Variants in ZNF469 observed in about 807,000 individuals in gnomAD.
ZNF469 encodes zinc finger protein 469.
ZNF469 carries 1 observed loss-of-function variant against 1.0 expected under a neutral mutation model. The observed-to-expected ratio is 1.00, with a 90% CI of 0.35 to 4.73. ZNF469 has a LOEUF of 4.73. Among genes scored for constraint, ZNF469 ranks in the 30% most tolerant of loss-of-function variants. The pLI is 0.16. For synonymous variants in ZNF469, 2,703 were observed against 2,363.4 expected, an observed-to-expected ratio of 1.14 and a Z score of -4.17; for missense variants, 6,100 against 5,356.3, an observed-to-expected ratio of 1.14 and a Z score of -4.33.
At chr16:88,334,058 CTG>C in the ZNF469 span, among the ~76,000 whole-genome samples, 1 of 148,316 alleles carries the variant, frequency 6.7e-6, no homozygotes, top group Non-Finnish European at 1.5e-5. Flanking sequence ...GTGTCTGTGT[CTG>C]TGTGTGTCTG....
At chr16:88,213,525 C>CA in the ZNF469 span, among the ~76,000 whole-genome samples, 1 of 152,150 alleles carries the variant, frequency 6.6e-6, no homozygotes, top group Non-Finnish European at 1.5e-5. Flanking sequence ...GTTAGCATAG[C>CA]AAAAAGTCTT....
the ZNF469 span, among the ~76,000 whole-genome samples, chr16:88,227,814 C>A: frequency 6.6e-6 from 1 of 152,254 alleles, no homozygotes; most frequent in African/African-American, 2.4e-5. Context: ...AGAGGGCTGG[C>A]ATCAAGGAGC....
chr16:88,110,365 G>A, the ZNF469 span, among the ~76,000 whole-genome samples: 2 of 152,266 alleles, frequency 1.3e-5, no homozygotes, highest in South Asian at 2.1e-4. Flanking sequence ...TCCCGCTCAC[G>A]CCGGACTGAA....
At chr16:88,119,235 G>A in the ZNF469 span, among the ~76,000 whole-genome samples, 1 of 152,122 alleles carries the variant, frequency 6.6e-6, no homozygotes, top group African/African-American at 2.4e-5. Flanking sequence ...GTTAGCTCTG[G>A]GCACCCTGGG....
At position 88,427,427 on chromosome 16, in the gene ZNF469, C is replaced by G; in HGVS notation, c.-44C>G. Reference sequence around the variant, plus strand: ...GCCGTCCAGCCCACTCCCCAGGGCCCCCCTCGGACAGCTGCGTCGTCCTAG... The same window carrying G: ...GCCGTCCAGCCCACTCCCCAGGGCCGCCCTCGGACAGCTGCGTCGTCCTAG... On this transcript the variant is annotated 5_prime_UTR_variant, in exon 3 of 3. Coordinates refer to ENST00000565624, the MANE Select transcript of ZNF469 (RefSeq NM_001367624.2). 2.1e-6 allele frequency: 3 copies of G among 1,444,006 alleles called. No individual in the cohort carries two copies. Among genetic ancestry groups the G allele is most frequent in the East Asian group, 5.0e-5 (2 of 39,780 alleles). 89.4% of individuals were successfully genotyped at this position (1,444,006 alleles called of 1,614,324 possible).
At chr16:88,371,700 C>T in the ZNF469 span, among the ~76,000 whole-genome samples, 2 of 152,218 alleles carry the variant, frequency 1.3e-5, no homozygotes, top group African/African-American at 4.8e-5. Flanking sequence ...ATTGAGCAAA[C>T]CTAGCCAGCC....
In ZNF469 at chr16:88,406,508, A is replaced by G. The variant is rs570304254; in HGVS notation, c.-191-18299A>G. Among the ~76,000 whole-genome samples the G allele has an allele frequency of 7.9e-5, 12 of 152,334 alleles. No individual in the cohort carries two copies. In the East Asian group the frequency reaches 2.1e-3, roughly 27 times the overall value. Reference sequence around the variant, plus strand: ...CTGCGCCTGCCGCCTGCAGCTCAGCAGAGGATCTCCAGGTTATCGGAAGGA... The same window carrying G: ...CTGCGCCTGCCGCCTGCAGCTCAGCGGAGGATCTCCAGGTTATCGGAAGGA... On this transcript the variant is annotated intron_variant, in intron 1 of 2. Transcript: ENST00000565624.
At chr16:88,353,526 G>A in the ZNF469 span, among the ~76,000 whole-genome samples, 2 of 152,268 alleles carry the variant, frequency 1.3e-5, no homozygotes, top group South Asian at 2.1e-4. Flanking sequence ...AACGCCCTCC[G>A]CCAGCCTCTC....
the ZNF469 span, among the ~76,000 whole-genome samples, chr16:88,271,045 T>A: frequency 6.6e-6 from 1 of 152,196 alleles, no homozygotes; most frequent in South Asian, 2.1e-4. Flanking sequence ...GTTCACTGTG[T>A]GACTTGGAAT....
At chr16:88,119,086 C>G in the ZNF469 span, among the ~76,000 whole-genome samples, 3 of 152,220 alleles carry the variant, frequency 2.0e-5, no homozygotes, top group African/African-American at 7.2e-5. Context: ...CAACTCGTAA[C>G]TCTTGGGCTT....
chr16:88,381,368 TCACA>T (rs10552193), upstream of ZNF469, among the ~76,000 whole-genome samples: 5,099 of 129,646 alleles, frequency 0.039, 159 homozygotes, highest in Admixed American at 0.11. Context: ...ACACATGCAC[TCACA>T]CACAGAGACA....
At chr16:88,226,358 G>C in the ZNF469 span, among the ~76,000 whole-genome samples, 1 of 152,064 alleles carries the variant, frequency 6.6e-6, no homozygotes, top group Non-Finnish European at 1.5e-5. Flanking sequence ...GCGTAGGGGA[G>C]AGGCCACGTG....
the ZNF469 span, among the ~76,000 whole-genome samples, chr16:88,316,032 G>A: frequency 6.6e-5 from 10 of 152,326 alleles, no homozygotes; most frequent in South Asian, 1.5e-3. Flanking sequence ...TCTGTAGGGC[G>A]GCACCTGGAC....
the ZNF469 span, among the ~76,000 whole-genome samples, chr16:88,175,397 A>G: frequency 6.6e-6 from 1 of 152,330 alleles, no homozygotes; most frequent in Non-Finnish European, 1.5e-5. Context: ...CTAACCACAA[A>G]ATAAACATGG....
At chr16:88,226,677 G>A in the ZNF469 span, among the ~76,000 whole-genome samples, 11 of 151,722 alleles carry the variant, frequency 7.3e-5, no homozygotes, top group Non-Finnish European at 1.2e-4. Context: ...CCAGATGCTC[G>A]CCCAGACCTC....
At chr16:88,312,283 G>C in the ZNF469 span, among the ~76,000 whole-genome samples, 5 of 152,350 alleles carry the variant, frequency 3.3e-5, no homozygotes, top group Admixed American at 6.5e-5. Context: ...AAGCCTATCA[G>C]TACGGTAGTT....
the ZNF469 span, among the ~76,000 whole-genome samples, chr16:88,257,913 C>G: frequency 6.6e-6 from 1 of 152,224 alleles, no homozygotes; most frequent in Non-Finnish European, 1.5e-5. Flanking sequence ...CCTCTCACTT[C>G]CTTGGCTCCA....
At chr16:88,229,568 C>T in the ZNF469 span, among the ~76,000 whole-genome samples, 1 of 120,946 alleles carries the variant, frequency 8.3e-6, no homozygotes, top group African/African-American at 2.9e-5. Context: ...GTGGATGTCA[C>T]GCTTGTGCGC....
chr16:88,431,198 A>G lies in ZNF469; in HGVS notation c.3728A>G (p.Glu1243Gly). The G allele has an allele frequency of 6.5e-7, 1 of 1,550,316 alleles. No individual in the cohort carries two copies. Among genetic ancestry groups the G allele is most frequent in the Non-Finnish European group, 8.7e-7 (1 of 1,146,960 alleles). ...ESAPDSTEFTEALRSPPAACA... is the reference protein window; with the variant it reads ...ESAPDSTEFTGALRSPPAACA... ...GCCCCGGACAGCACAGAATTCACAG[A>G]GGCTTTGCGTTCTCCTCCAGCCGCC... Residue 1243 changes from glutamate to glycine, a missense_variant, in exon 3 of 3, where the codon GAG becomes GGG. Transcript: ENST00000565624.
Sources: gnomAD v4.1 joint callset for allele counts (sites outside exome capture counted in the v4.1 genomes callset) on GRCh38, gnomAD v4.1.1 for gene constraint, MANE v1.5 for transcripts, NCBI Gene and HGNC (gene_info 2026-07-23, HGNC 2026-07-21) for gene names.